The following CRIM1 variants were observed in gnomAD, a reference collection of about 807,000 sequenced individuals.
CRIM1 encodes the protein cysteine-rich motor neuron 1 protein.
CRIM1 carries 32 observed loss-of-function variants against 116.4 expected under a neutral mutation model. The ratio of observed to expected loss-of-function variants is 0.27; its 90% CI spans 0.21 to 0.37. The LOEUF (loss-of-function observed/expected upper bound fraction) is 0.37. Among genes scored for constraint, CRIM1 ranks in the 10% least tolerant of loss-of-function variants. CRIM1 has a pLI of 1.00. For missense variants in CRIM1, 1,331 were observed against 1,354.8 expected, an observed-to-expected ratio of 0.98 and a Z score of 0.28; for synonymous variants, 590 against 509.2, an observed-to-expected ratio of 1.16 and a Z score of -2.13.
chr2:36,523,572 A>G (rs1403733602), intron 13 of CRIM1, among the ~76,000 whole-genome samples: 1 of 152,232 alleles, frequency 6.6e-6, no homozygotes, highest in Admixed American at 6.5e-5. Context: ...TTTTGTGTCC[A>G]GTAAAGCTCA....
In CRIM1 at chr2:36,476,750, G is replaced by C. The variant is rs1214274206; in HGVS notation, c.992-139G>C. ...TTCACTTTATTGTTTTCTGTTACAT[G>C]AACTTACATTGAGTTGAGTAAATTT... On this transcript the variant is annotated intron_variant, in intron 5 of 16. Coordinates refer to ENST00000280527, the MANE Select transcript of CRIM1 (RefSeq NM_016441.3). 5.0e-5 allele frequency: 33 copies of C among 664,706 alleles called. No homozygotes were observed. In the East Asian group the frequency reaches 8.9e-4, roughly 18 times the overall value. The allele number at this position is 664,706 out of a possible 1,614,324, so 41.2% of individuals were successfully genotyped here.
intron 1 of CRIM1, 136 bp from the exon 2 acceptor site, chr2:36,396,478 T>G: frequency 1.8e-6 from 1 of 548,368 alleles, no homozygotes; most frequent in Non-Finnish European, 3.2e-6. Context: ...TTGTAAAGTT[T>G]CAGCCAGACT....
intron 15 of CRIM1, among the ~76,000 whole-genome samples, chr2:36,546,032 A>ATCATTTAAAATCTGAGTTTT (rs1480957396): frequency 3.9e-5 from 6 of 152,134 alleles, no homozygotes; most frequent in African/African-American, 1.4e-4. Flanking sequence ...ACAGAAGCAT[A>ATCATTTAAAATCTGAGTTTT]TCATTTAAAA....
chr2:36,476,682 G>T (rs1678997442), intron 5 of CRIM1, among the ~76,000 whole-genome samples: 1 of 152,148 alleles, frequency 6.6e-6, no homozygotes, highest in African/African-American at 2.4e-5. Flanking sequence ...CTGTTCCTTG[G>T]TGTAAACTGG....
In CRIM1 at chr2:36,522,094, C is replaced by G. The variant is rs899640529; in HGVS notation, c.2209C>G (p.Gln737Glu). The change falls in exon 13 of 17, where the codon CAA becomes GAA. Residue 737 changes from glutamine to glutamate, a missense_variant and splice_region_variant. Around this residue, in one of 3 missense-constraint regions of CRIM1, gnomAD observed 358 missense variants for 436.1 expected, o/e 0.82. Coordinates refer to ENST00000280527, the MANE Select transcript of CRIM1 (RefSeq NM_016441.3). ...GACCTATATGTTCATTTTTCCAGAT[C>G]AACCTTTTCGGCCTTCCTTGTCCCG... The part of the protein sequence containing the change: ...QDSCCPQCTD[Q>E]PFRPSLSRNN... 1 of 1,613,748 alleles carries G rather than the reference C, an allele frequency of 6.2e-7. No individual in the cohort carries two copies. The highest frequency in any genetic ancestry group is 8.5e-7 in the Non-Finnish European group (1 of 1,179,794).
At chr2:36,498,729 G>A (rs1280880331) in intron 7 of CRIM1, among the ~76,000 whole-genome samples, 1 of 151,988 alleles carries the variant, frequency 6.6e-6, no homozygotes, top group Non-Finnish European at 1.5e-5. Flanking sequence ...AAGAAATCCA[G>A]GTGTTTTAAG....
At chr2:36,446,023 G>A (rs1394396837) in intron 4 of CRIM1, among the ~76,000 whole-genome samples, 1 of 152,198 alleles carries the variant, frequency 6.6e-6, no homozygotes, top group African/African-American at 2.4e-5. Flanking sequence ...ATTATGTGGA[G>A]AAATCAGGGG....
intron 4 of CRIM1, among the ~76,000 whole-genome samples, chr2:36,449,904 G>A (rs1246738624): frequency 1.3e-5 from 2 of 151,574 alleles, no homozygotes; most frequent in Admixed American, 6.6e-5. Context: ...CTTAGAAACA[G>A]CAAAATGAAA....
chr2:36,543,778 A>G (rs1667124654), intron 14 of CRIM1, among the ~76,000 whole-genome samples: 1 of 152,140 alleles, frequency 6.6e-6, no homozygotes, highest in Non-Finnish European at 1.5e-5. Flanking sequence ...ATCTGATCAA[A>G]CTGGATAATG....
In CRIM1 at chr2:36,499,243, C is replaced by T; in HGVS notation, c.1397C>T (p.Pro466Leu). 6.2e-7 allele frequency: 1 copy of T among 1,611,574 alleles called. No individual in the cohort carries two copies. The highest frequency in any genetic ancestry group is 8.5e-7 in the Non-Finnish European group (1 of 1,177,882). Reference sequence around the variant, plus strand: ...GAACCAACCATCATCACAGTTGATCCACCTGCATGTGGGGAGTTATCAAAC... The same window carrying T: ...GAACCAACCATCATCACAGTTGATCTACCTGCATGTGGGGAGTTATCAAAC... Reference protein sequence around the residue: ...CEEPTIITVDPPACGELSNCT... With the variant: ...CEEPTIITVDLPACGELSNCT... The change falls in exon 8 of 17, where the codon CCA becomes CTA. Residue 466 changes from proline to leucine, a missense_variant. By Grantham distance (98) the Pro-to-Leu change is moderately conservative (BLOSUM62 -3). Around this residue, in one of 3 missense-constraint regions of CRIM1, gnomAD observed 690 missense variants for 676.0 expected, o/e 1.02. Coordinates refer to ENST00000280527, the MANE Select transcript of CRIM1 (RefSeq NM_016441.3).
intron 2 of CRIM1, among the ~76,000 whole-genome samples, chr2:36,397,845 C>A (rs922264914): frequency 6.6e-6 from 1 of 152,100 alleles, no homozygotes; most frequent in Non-Finnish European, 1.5e-5. Context: ...ATAACATTTG[C>A]GAATTGCAGA....
At chr2:36,458,961 G>C (rs904713409) in intron 4 of CRIM1, among the ~76,000 whole-genome samples, 4 of 152,120 alleles carry the variant, frequency 2.6e-5, no homozygotes, top group African/African-American at 9.7e-5. Context: ...TTCTTCCCTC[G>C]TGGTATCTCT....
Position 36,447,667 on chromosome 2 carries a change from A to G in CRIM1, c.869+4932A>G, listed in dbSNP as rs368618759. 5.3e-5 allele frequency among the ~76,000 whole-genome samples: 8 copies of G among 152,234 alleles called. 1 individual carries two copies. In the East Asian group the frequency reaches 1.5e-3, roughly 29 times the overall value. On this transcript the variant is annotated intron_variant, in intron 4 of 16. Coordinates refer to ENST00000280527, the MANE Select transcript of CRIM1 (RefSeq NM_016441.3). ...ACACTTCTGCCATGTTCTGTTGGTC[A>G]AAGGAAGTCCCAGGTCAAGCCCTCA... is the stretch of plus-strand genomic sequence containing the variant.
chr2:36,415,142 G>T (rs990803657), intron 2 of CRIM1, among the ~76,000 whole-genome samples: 3 of 152,102 alleles, frequency 2.0e-5, no homozygotes, highest in South Asian at 4.1e-4. Context: ...GGTTGGATTT[G>T]GGGGTGAGGT....
chr2:36,509,667 G>A (rs848527), intron 8 of CRIM1, among the ~76,000 whole-genome samples: 2 of 152,188 alleles, frequency 1.3e-5, no homozygotes, highest in East Asian at 3.8e-4. Context: ...TAAAGTTCAT[G>A]GAAAAATGAT....
intron 7 of CRIM1, among the ~76,000 whole-genome samples, chr2:36,491,018 C>T (rs1365456259): frequency 1.3e-5 from 2 of 152,130 alleles, no homozygotes; most frequent in Non-Finnish European, 2.9e-5. Context: ...GCAAAAGTGC[C>T]CATAACTTCA....
At chr2:36,399,145 G>C (rs1007723463) in intron 2 of CRIM1, among the ~76,000 whole-genome samples, 1 of 152,210 alleles carries the variant, frequency 6.6e-6, no homozygotes, top group Non-Finnish European at 1.5e-5. Flanking sequence ...AATAAAGATT[G>C]GAGGGAGGAT....
chr2:36,483,394 A>G (rs1178719211), intron 7 of CRIM1, among the ~76,000 whole-genome samples: 2 of 152,180 alleles, frequency 1.3e-5, no homozygotes, highest in Non-Finnish European at 2.9e-5. Context: ...CATTTCATAC[A>G]ATTGTTATGT....
intron 7 of CRIM1, among the ~76,000 whole-genome samples, chr2:36,492,981 A>T (rs1680338402): frequency 6.6e-6 from 1 of 152,216 alleles, no homozygotes; most frequent in South Asian, 2.1e-4. Flanking sequence ...TACAAAGAAG[A>T]GCTATGTAAA....
Sources: allele counts gnomAD v4.1 joint callset (sites outside exome capture counted in the v4.1 genomes callset), GRCh38; gene constraint gnomAD v4.1.1; regional missense constraint gnomAD v4.1.1; transcripts MANE v1.5; gene names NCBI Gene and HGNC (gene_info 2026-07-23, HGNC 2026-07-21).